CACNA2D3: variants seen among roughly 807,000 people sequenced by gnomAD.
CACNA2D3 encodes voltage-dependent calcium channel subunit alpha-2/delta-3.
CACNA2D3 carries 60 observed loss-of-function variants against 160.6 expected under a neutral mutation model. The ratio of observed to expected loss-of-function variants is 0.37; its 90% CI spans 0.30 to 0.46. The LOEUF (loss-of-function observed/expected upper bound fraction) is 0.46. CACNA2D3 is among the 20% of genes least tolerant of loss of function. The pLI is 1.00. For synonymous variants in CACNA2D3, 558 were observed against 492.9 expected (o/e 1.13, Z -1.75); for missense variants, 1,205 against 1,365.0 (o/e 0.88, Z 1.85).
intron 27 of CACNA2D3, among the ~76,000 whole-genome samples, chr3:54,955,726 C>G (rs765568203): frequency 6.6e-6 from 1 of 152,198 alleles, no homozygotes; most frequent in East Asian, 1.9e-4. Context: ...CTCTGTCTAC[C>G]GAGGGGGCTT....
chr3:54,713,406 A>T (rs1247396700), intron 11 of CACNA2D3, among the ~76,000 whole-genome samples: 1 of 152,242 alleles, frequency 6.6e-6, no homozygotes, highest in Non-Finnish European at 1.5e-5. Context: ...ATCCAAGCAG[A>T]TAACATTATC....
At chr3:54,657,962 G>A (rs1699904211) in intron 11 of CACNA2D3, among the ~76,000 whole-genome samples, 1 of 152,220 alleles carries the variant, frequency 6.6e-6, no homozygotes, top group Non-Finnish European at 1.5e-5. Context: ...AAGTTGCAAT[G>A]AGCTGAGATT....
At chr3:54,479,998 T>C (rs1326556251) in intron 4 of CACNA2D3, among the ~76,000 whole-genome samples, 1 of 152,164 alleles carries the variant, frequency 6.6e-6, no homozygotes, top group Non-Finnish European at 1.5e-5. Flanking sequence ...AGCCAAAATA[T>C]GAGAATTGTA....
chr3:54,136,426 G>C (rs1009980348), intron 2 of CACNA2D3, among the ~76,000 whole-genome samples: 1 of 152,216 alleles, frequency 6.6e-6, no homozygotes, highest in African/African-American at 2.4e-5. Flanking sequence ...AGATTCCCAA[G>C]CATACATTTG....
intron 12 of CACNA2D3, among the ~76,000 whole-genome samples, chr3:54,763,837 A>ACG: frequency 1.3e-5 from 1 of 75,830 alleles, no homozygotes; most frequent in Non-Finnish European, 2.6e-5. Context: ...ATATATATGT[A>ACG]TATATATGTA....
intron 24 of CACNA2D3, 81 bp from the exon 25 acceptor site, chr3:54,891,274 C>T (rs758510989): frequency 1.2e-5 from 10 of 854,462 alleles, no homozygotes; most frequent in Non-Finnish European, 1.9e-5. Flanking sequence ...TTGGTAAAAA[C>T]ATTCTGTGAG....
chr3:54,915,871 A>G (rs1347085985), intron 27 of CACNA2D3, among the ~76,000 whole-genome samples: 3 of 152,252 alleles, frequency 2.0e-5, no homozygotes, highest in African/African-American at 7.2e-5. Flanking sequence ...AAGACTGCCC[A>G]TAAAGCAGGA....
intron 12 of CACNA2D3, among the ~76,000 whole-genome samples, chr3:54,760,210 C>T (rs1475536624): frequency 1.4e-5 from 2 of 146,564 alleles, no homozygotes; most frequent in Non-Finnish European, 3.0e-5. Context: ...GAGGAAGTGA[C>T]TTCAGACAGG....
At chr3:54,399,137 C>T (rs200084367) in intron 4 of CACNA2D3, among the ~76,000 whole-genome samples, 402 of 19,870 alleles carry the variant, frequency 0.02, no homozygotes, top group Admixed American at 0.045. Flanking sequence ...GCATTCTTCA[C>T]GTAGTTCTCG....
intron 24 of CACNA2D3, among the ~76,000 whole-genome samples, chr3:54,889,856 A>G (rs911660920): frequency 2.0e-5 from 3 of 152,092 alleles, no homozygotes; most frequent in Admixed American, 1.3e-4. Flanking sequence ...CTCTCATGAA[A>G]CTCAAAATCT....
At chr3:54,918,996 T>A in intron 27 of CACNA2D3, 5 of 70,150 alleles carry the variant, frequency 7.1e-5, no homozygotes, top group Non-Finnish European at 9.4e-5. Flanking sequence ...ATGAAGTACC[T>A]TTTTTTTTTT....
At chr3:54,444,530 C>T (rs985307688) in intron 4 of CACNA2D3, among the ~76,000 whole-genome samples, 5 of 152,158 alleles carry the variant, frequency 3.3e-5, no homozygotes, top group Non-Finnish European at 7.3e-5. Context: ...ATAAACTGCT[C>T]TATTTTTGGT....
chr3:54,547,154 A>G (rs1702078057), intron 5 of CACNA2D3, among the ~76,000 whole-genome samples: 1 of 152,212 alleles, frequency 6.6e-6, no homozygotes, highest in African/African-American at 2.4e-5. Context: ...AATGAGGTCC[A>G]GCGCAAAGAT....
intron 2 of CACNA2D3, among the ~76,000 whole-genome samples, chr3:54,253,265 T>C (rs1008796272): frequency 6.6e-6 from 1 of 152,168 alleles, no homozygotes; most frequent in Admixed American, 6.5e-5. Flanking sequence ...AAGAAATACC[T>C]GAGACTGGGT....
At chr3:54,636,459 G>A (rs557719134) in intron 10 of CACNA2D3, among the ~76,000 whole-genome samples, 8 of 152,082 alleles carry the variant, frequency 5.3e-5, no homozygotes, top group East Asian at 3.9e-4. Flanking sequence ...AAGCATATGC[G>A]TCAGGTATGA....
At chr3:55,005,888 C>A (rs1015500196) in intron 32 of CACNA2D3, among the ~76,000 whole-genome samples, 1 of 152,124 alleles carries the variant, frequency 6.6e-6, no homozygotes, top group Non-Finnish European at 1.5e-5. Flanking sequence ...TGAAACACAA[C>A]ACTTAAAAGC....
At chr3:54,469,728 T>C (rs545965018) in intron 4 of CACNA2D3, among the ~76,000 whole-genome samples, 62 of 151,908 alleles carry the variant, frequency 4.1e-4, no homozygotes, top group African/African-American at 1.5e-3. Context: ...GTTTAGAGAA[T>C]AACATAAATG....
At chr3:55,051,985 A>G (rs1704231321) in intron 35 of CACNA2D3, among the ~76,000 whole-genome samples, 1 of 152,116 alleles carries the variant, frequency 6.6e-6, no homozygotes, top group South Asian at 2.1e-4. Context: ...GCACACACCC[A>G]TGACCTGCGC....
chr3:54,512,223 A>G (rs1575496611), intron 5 of CACNA2D3, among the ~76,000 whole-genome samples: 1 of 152,102 alleles, frequency 6.6e-6, no homozygotes, highest in Non-Finnish European at 1.5e-5. Context: ...GGTGTGTGGT[A>G]TGAATGTGAA....
Sources: gnomAD v4.1 joint callset for allele counts (sites outside exome capture counted in the v4.1 genomes callset) on GRCh38, gnomAD v4.1.1 for gene constraint, MANE v1.5 for transcripts, NCBI Gene and HGNC (gene_info 2026-07-23, HGNC 2026-07-21) for gene names.